Variants in CHRM3 observed in about 807,000 individuals in gnomAD.
CHRM3 encodes muscarinic acetylcholine receptor M3.
A neutral mutation model predicts 41.8 loss-of-function variants in CHRM3; 11 were observed. The observed-to-expected ratio is 0.26, with a 90% CI of 0.17 to 0.44. CHRM3 has a LOEUF of 0.44. CHRM3 is among the 20% of genes least tolerant of loss of function. The probability of loss-of-function intolerance (pLI) is 1.00; values close to 1 mark genes in which losing one functional copy is unlikely to be tolerated. For missense variants in CHRM3, 571 were observed against 745.4 expected (o/e 0.77, Z 2.72); for synonymous variants, 297 against 301.4 (o/e 0.99, Z 0.15).
intron 5 of CHRM3, among the ~76,000 whole-genome samples, chr1:239,738,842 A>G (rs1664607287): frequency 6.6e-6 from 1 of 152,200 alleles, no homozygotes; most frequent in Admixed American, 6.5e-5. Flanking sequence ...TCCTGTATCT[A>G]TTCCTCTCCA....
Position 239,387,105 on chromosome 1 carries a change from A to T in CHRM3, c.-643A>T, listed in dbSNP as rs1658572296. 6.6e-6 allele frequency: 1 copy of T among 152,112 alleles called. No homozygotes were observed. Among genetic ancestry groups the T allele is most frequent in the Non-Finnish European group, 1.5e-5 (1 of 68,080 alleles). 9.4% of individuals were successfully genotyped at this position (152,112 alleles called of 1,614,324 possible). Reference sequence around the variant, plus strand: ...GCTCCGGGCAGGGGGGCACGATCTTAAGGACAGTCGCTCCCTGAACGCGGA... The same window carrying T: ...GCTCCGGGCAGGGGGGCACGATCTTTAGGACAGTCGCTCCCTGAACGCGGA... On this transcript the variant is annotated 5_prime_UTR_variant, in exon 1 of 7. Coordinates refer to ENST00000676153, the MANE Select transcript of CHRM3 (RefSeq NM_001375978.1). The surrounding 1 kb of genome is among the most constrained non-coding windows in gnomAD (Gnocchi z 5.1).
intron 5 of CHRM3, among the ~76,000 whole-genome samples, chr1:239,797,407 T>TA (rs61348691): frequency 0.025 from 3,537 of 143,550 alleles, 129 homozygotes; most frequent in African/African-American, 0.082. Context: ...ACTCATTCTT[T>TA]AAAAAAAAAA....
chr1:239,793,028 A>G (rs1421343154), intron 5 of CHRM3, among the ~76,000 whole-genome samples: 1 of 152,130 alleles, frequency 6.6e-6, no homozygotes, highest in African/African-American at 2.4e-5. Context: ...TGCCTCAGTT[A>G]TTTTTCCAGT....
At chr1:239,608,262 G>A (rs980055150) in intron 3 of CHRM3, among the ~76,000 whole-genome samples, 3 of 152,124 alleles carry the variant, frequency 2.0e-5, no homozygotes, top group Non-Finnish European at 2.9e-5. Flanking sequence ...CTGAACAAGC[G>A]CCATGGTAGG....
At chr1:239,888,332 C>T (rs1678241963) in intron 6 of CHRM3, among the ~76,000 whole-genome samples, 1 of 151,098 alleles carries the variant, frequency 6.6e-6, no homozygotes, top group Non-Finnish European at 1.5e-5. Flanking sequence ...TGCACCACTG[C>T]ATTCCACACT....
chr1:239,563,697 G>T (rs192203640), intron 3 of CHRM3, among the ~76,000 whole-genome samples: 11 of 152,108 alleles, frequency 7.2e-5, no homozygotes, highest in Non-Finnish European at 1.2e-4. Flanking sequence ...TGAACCAAGG[G>T]GTCTCTTTAT....
chr1:239,864,546 G>GCA (rs775904989), intron 6 of CHRM3, among the ~76,000 whole-genome samples: 22 of 85,838 alleles, frequency 2.6e-4, no homozygotes, highest in South Asian at 2.3e-3. Context: ...ACACACACAC[G>GCA]CACACACACA....
intron 2 of CHRM3, among the ~76,000 whole-genome samples, chr1:239,510,240 A>C (rs572859749): frequency 6.6e-6 from 1 of 152,208 alleles, no homozygotes; most frequent in Non-Finnish European, 1.5e-5. Flanking sequence ...GCCAAACATC[A>C]TACCCCATTT....
intron 5 of CHRM3, among the ~76,000 whole-genome samples, chr1:239,758,584 A>C (rs1666430550): frequency 6.6e-6 from 1 of 152,236 alleles, no homozygotes; most frequent in Admixed American, 6.5e-5. Context: ...ATGCTTTATA[A>C]TTTTTGAGCT....
intron 5 of CHRM3, among the ~76,000 whole-genome samples, chr1:239,759,671 A>T (rs896173674): frequency 6.6e-6 from 1 of 152,170 alleles, no homozygotes; most frequent in African/African-American, 2.4e-5. Flanking sequence ...TTTTGAAATT[A>T]AAAAACAGAT....
At chr1:239,473,082 A>G (rs1349699775) in intron 1 of CHRM3, among the ~76,000 whole-genome samples, 1 of 152,108 alleles carries the variant, frequency 6.6e-6, no homozygotes, top group African/African-American at 2.4e-5. Flanking sequence ...TATAAACACA[A>G]TGAATAAAAT....
At chr1:239,454,921 T>G (rs945263935) in intron 1 of CHRM3, among the ~76,000 whole-genome samples, 2 of 152,098 alleles carry the variant, frequency 1.3e-5, no homozygotes, top group Non-Finnish European at 2.9e-5. Context: ...GAACCTACTA[T>G]GCTACCAGTT....
chr1:239,521,764 AC>A (rs1305788075), intron 2 of CHRM3, among the ~76,000 whole-genome samples: 3 of 152,296 alleles, frequency 2.0e-5, no homozygotes, highest in Middle Eastern at 6.8e-3. Flanking sequence ...AAAAACCGCA[AC>A]AAAATAACGT....
At chr1:239,855,318 T>G (rs1675017448) in intron 6 of CHRM3, among the ~76,000 whole-genome samples, 1 of 152,168 alleles carries the variant, frequency 6.6e-6, no homozygotes, top group Non-Finnish European at 1.5e-5. Context: ...GTTGACTCTT[T>G]TTGAGAAATG....
chr1:239,719,688 T>A (rs1558484339), intron 5 of CHRM3: 1 of 151,954 alleles, frequency 6.6e-6, no homozygotes, highest in African/African-American at 2.4e-5. Context: ...TCTACTTGAA[T>A]GCCTGTTTAA....
intron 5 of CHRM3, among the ~76,000 whole-genome samples, chr1:239,687,434 A>C (rs1659253486): frequency 6.6e-6 from 1 of 152,200 alleles, no homozygotes; most frequent in Non-Finnish European, 1.5e-5. Flanking sequence ...GAATTAGATC[A>C]TATTGATAGT....
chr1:239,393,591 C>T (rs529735910), intron 1 of CHRM3, among the ~76,000 whole-genome samples: 1 of 152,320 alleles, frequency 6.6e-6, no homozygotes, highest in East Asian at 1.9e-4. Flanking sequence ...TCCTTTCCAT[C>T]ATGCAAGGAC....
chr1:239,757,445 A>G (rs1473297707), intron 5 of CHRM3, among the ~76,000 whole-genome samples: 1 of 152,080 alleles, frequency 6.6e-6, no homozygotes, highest in African/African-American at 2.4e-5. Flanking sequence ...CCTGGCTAAC[A>G]TGGTGAAACC....
chr1:239,776,750 C>T (rs920207132), intron 5 of CHRM3, among the ~76,000 whole-genome samples: 2 of 152,156 alleles, frequency 1.3e-5, no homozygotes, highest in Admixed American at 1.3e-4. Context: ...AATTGACTCA[C>T]AGTTCCACAG....
Sources: gnomAD v4.1 joint callset for allele counts (sites outside exome capture counted in the v4.1 genomes callset) on GRCh38, gnomAD v4.1.1 for gene constraint, Gnocchi (gnomAD v3.1) non-coding constraint, MANE v1.5 for transcripts, NCBI Gene and HGNC (gene_info 2026-07-23, HGNC 2026-07-21) for gene names.